Variants in RTL4 observed in about 807,000 individuals in gnomAD.
RTL4 encodes the protein retrotransposon Gag-like protein 4.
In RTL4, 4 loss-of-function variants were observed where a neutral mutation model predicts 5.3. That is an observed-to-expected ratio of 0.75 (90% CI 0.37 to 1.72). RTL4 has a LOEUF of 1.72. Ranked by LOEUF, RTL4 falls within the 40% of genes most tolerant of loss-of-function variation. The probability of loss-of-function intolerance (pLI) is 0.04; values close to 1 mark genes in which losing one functional copy is unlikely to be tolerated. For synonymous variants in RTL4, 98 were observed against 87.3 expected (o/e 1.12, Z -0.68); for missense variants, 260 against 227.1 (o/e 1.14, Z -0.93).
At chrX:112,381,985 G>A in the RTL4 span, 1 of 1,209,113 alleles carries the variant, frequency 8.3e-7, no homozygotes, top group East Asian at 3.0e-5. Context: ...TCAAGAGAGA[G>A]AACCAGCAGT....
chrX:112,309,929 C>G, the RTL4 span, among the ~76,000 whole-genome samples: 1 of 103,221 alleles, frequency 9.7e-6, no homozygotes, highest in Non-Finnish European at 2.0e-5. Flanking sequence ...TATGTGTACA[C>G]CTGTGGTTTC....
exon 1 of RTL4, chrX:112,454,981 C>T (rs1926810145): frequency 8.3e-7 from 1 of 1,209,789 alleles, no homozygotes; most frequent in African/African-American, 1.8e-5. Context: ...CTTGACAGCT[C>T]TCCAAATCTC....
the RTL4 span, among the ~76,000 whole-genome samples, chrX:112,140,726 T>C: frequency 9.8e-5 from 11 of 111,922 alleles, no homozygotes; most frequent in East Asian, 3.1e-3. Flanking sequence ...GGGATTTAGT[T>C]CCAACATTTA....
chrX:112,194,212 C>T, the RTL4 span, among the ~76,000 whole-genome samples: 2 of 111,835 alleles, frequency 1.8e-5, no homozygotes, highest in Non-Finnish European at 3.8e-5. Flanking sequence ...TATTAGGTCT[C>T]TCATTATATG....
chrX:112,184,002 C>G, the RTL4 span, among the ~76,000 whole-genome samples: 2 of 110,904 alleles, frequency 1.8e-5, no homozygotes, highest in African/African-American at 6.6e-5. Context: ...AATGGGATCA[C>G]TGGCTCAAAT....
chrX:112,192,242 A>G, the RTL4 span, among the ~76,000 whole-genome samples: 1 of 108,471 alleles, frequency 9.2e-6, no homozygotes, highest in East Asian at 2.9e-4. Context: ...AATCTACATA[A>G]CTCCTATTTC....
the RTL4 span, among the ~76,000 whole-genome samples, chrX:112,395,454 AAACT>A: frequency 9.0e-6 from 1 of 111,329 alleles, no homozygotes; most frequent in Non-Finnish European, 1.9e-5. Flanking sequence ...AAAAAATTTA[AAACT>A]AACATAATTC....
At chrX:112,282,142 A>AT in the RTL4 span, among the ~76,000 whole-genome samples, 3 of 112,251 alleles carry the variant, frequency 2.7e-5, no homozygotes, top group African/African-American at 9.7e-5. Context: ...TCTTTAGTCC[A>AT]TTTTGACTTG....
At chrX:112,143,428 T>C in the RTL4 span, among the ~76,000 whole-genome samples, 1 of 111,615 alleles carries the variant, frequency 9.0e-6, no homozygotes, top group Non-Finnish European at 1.9e-5. Context: ...CCATTACTAT[T>C]GTTACTCTGT....
chrX:112,283,258 T>A, the RTL4 span, among the ~76,000 whole-genome samples: 1 of 112,081 alleles, frequency 8.9e-6, no homozygotes, highest in Non-Finnish European at 1.9e-5. Flanking sequence ...ATGCTGCCAC[T>A]GAATGTTGTG....
At chrX:112,185,381 A>G in the RTL4 span, among the ~76,000 whole-genome samples, 1 of 95,421 alleles carries the variant, frequency 1.0e-5, no homozygotes. Context: ...TTATTAATAT[A>G]TATATATATA....
chrX:112,295,262 C>G, the RTL4 span, among the ~76,000 whole-genome samples: 1 of 111,328 alleles, frequency 9.0e-6, no homozygotes, highest in Non-Finnish European at 1.9e-5. Context: ...TTCTCATAGT[C>G]TTCCACCACT....
the RTL4 span, among the ~76,000 whole-genome samples, chrX:112,441,093 C>T: frequency 9.0e-6 from 1 of 111,381 alleles, no homozygotes; most frequent in African/African-American, 3.3e-5. Flanking sequence ...CACATGCAAC[C>T]AGAATTTATC....
chrX:112,329,481 G>C, the RTL4 span, among the ~76,000 whole-genome samples: 1 of 110,969 alleles, frequency 9.0e-6, no homozygotes, highest in East Asian at 2.8e-4. Context: ...TCTCTGAATA[G>C]ACCAATAACA....
rs1183084062 is a variant in RTL4, at chrX:112,454,646, T to C, written c.-83T>C. On this transcript the variant is annotated 5_prime_UTR_variant, in exon 1 of 1. Coordinates refer to ENST00000340433, the Ensembl canonical transcript of RTL4. The stretch of plus-strand genomic sequence containing the variant: ...CTTGCTCATGACACTCCGTCTCTGA[T>C]CACAGAGCAAATCCACTGTCTCCAT... 7 of 934,491 alleles carry C rather than the reference T, an allele frequency of 7.5e-6. No homozygotes were observed. The African/African-American group carries it at 1.4e-4, about 19-fold the overall frequency. The allele number at this position is 934,491 out of a possible 1,213,427, so 77.0% of individuals were successfully genotyped here. A position where few individuals can be genotyped will look rare whatever the true frequency, so the allele number is the denominator to read the frequency against.
chrX:112,145,073 C>T, the RTL4 span, among the ~76,000 whole-genome samples: 1 of 110,942 alleles, frequency 9.0e-6, no homozygotes, highest in Non-Finnish European at 1.9e-5. Context: ...TGTTCAGGAG[C>T]TCTTTTCCTT....
the RTL4 span, among the ~76,000 whole-genome samples, chrX:112,285,095 C>T: frequency 8.9e-6 from 1 of 111,945 alleles, no homozygotes; most frequent in Non-Finnish European, 1.9e-5. Flanking sequence ...AATATATTTG[C>T]TTATCAAAGT....
At chrX:112,321,529 C>T in the RTL4 span, among the ~76,000 whole-genome samples, 2 of 85,877 alleles carry the variant, frequency 2.3e-5, no homozygotes, top group East Asian at 3.4e-4. Flanking sequence ...AGCGAGACTC[C>T]GTCTCAAAAA....
the RTL4 span, among the ~76,000 whole-genome samples, chrX:112,263,984 T>A: frequency 9.0e-6 from 1 of 111,201 alleles, no homozygotes; most frequent in Non-Finnish European, 1.9e-5. Context: ...GAGCTAATAG[T>A]GGGTGTGGTT....
Sources: gnomAD v4.1 joint callset for allele counts (sites outside exome capture counted in the v4.1 genomes callset) on GRCh38, gnomAD v4.1.1 for gene constraint, MANE v1.5 for transcripts, NCBI Gene and HGNC (gene_info 2026-07-23, HGNC 2026-07-21) for gene names.